The following MAMDC2 variants were observed in gnomAD, a reference collection of about 807,000 sequenced individuals.
MAMDC2 encodes the protein MAM domain-containing protein 2.
MAMDC2 carries 57 observed loss-of-function variants against 89.8 expected under a neutral mutation model. The ratio of observed to expected loss-of-function variants is 0.63; its 90% CI spans 0.51 to 0.79. The LOEUF (loss-of-function observed/expected upper bound fraction) is 0.79, where lower values mean the gene tolerates loss of function less well. MAMDC2 is among the 30% of genes least tolerant of loss of function. The pLI is 0.00. For synonymous variants in MAMDC2, 313 were observed against 293.4 expected (o/e 1.07, Z -0.68); for missense variants, 800 against 820.6 (o/e 0.97, Z 0.31).
chr9:70,057,459 A>C (rs1024915386), intron 2 of MAMDC2, among the ~76,000 whole-genome samples: 1 of 152,166 alleles, frequency 6.6e-6, no homozygotes, highest in African/African-American at 2.4e-5. Context: ...TCTCTCCACA[A>C]ACTCAGCTAC....
chr9:70,097,174 T>C (rs1828050137), intron 2 of MAMDC2, among the ~76,000 whole-genome samples: 1 of 152,162 alleles, frequency 6.6e-6, no homozygotes, highest in Non-Finnish European at 1.5e-5. Flanking sequence ...AAAAAAATCT[T>C]CATCAAGATC....
At chr9:70,112,877 T>C in intron 4 of MAMDC2, 118 bp from the exon 5 acceptor site, 2 of 1,260,978 alleles carry the variant, frequency 1.6e-6, no homozygotes, top group Non-Finnish European at 2.3e-6. Flanking sequence ...GGTAGAAAGG[T>C]TGCAGTGGGC....
rs2031217673 is a variant in MAMDC2, at chr9:70,141,431, A to G, written c.1138+1143A>G. ...CGAATCTGAAATGAATCCCACCTTCACTGGCAGACAATCTTTTCAAAGGGC... is the reference window on the plus strand; with the variant it reads ...CGAATCTGAAATGAATCCCACCTTCGCTGGCAGACAATCTTTTCAAAGGGC... On this transcript the variant is annotated intron_variant, in intron 8 of 13. Coordinates refer to ENST00000377182, the MANE Select transcript of MAMDC2 (RefSeq NM_153267.5). 3.9e-5 allele frequency among the ~76,000 whole-genome samples: 6 copies of G among 152,332 alleles called. No individual in the cohort carries two copies. The South Asian group carries it at 1.0e-3, about 26-fold the overall frequency.
At chr9:70,191,414 T>G (rs2032877469) in intron 11 of MAMDC2, among the ~76,000 whole-genome samples, 1 of 152,156 alleles carries the variant, frequency 6.6e-6, no homozygotes, top group African/African-American at 2.4e-5. Context: ...CATAATTATT[T>G]ACAGTACTTG....
intron 10 of MAMDC2, chr9:70,170,210 T>C: frequency 2.7e-6 from 1 of 372,292 alleles, no homozygotes. Context: ...TCACAAAAAT[T>C]CACAAGTCAG....
At chr9:70,224,009 C>CAGGT (rs1490824249) in intron 12 of MAMDC2, among the ~76,000 whole-genome samples, 1 of 152,088 alleles carries the variant, frequency 6.6e-6, no homozygotes, top group Non-Finnish European at 1.5e-5. Context: ...ATAATTCCTT[C>CAGGT]AGGTAATTTT....
At position 70,060,612 on chromosome 9, in the gene MAMDC2, C is replaced by A. The variant is rs1210154348; in HGVS notation, c.148+15915C>A. ...CTTTTGACAAATCTAGAAAGCAATT[C>A]CTGCAGCAAAGAAAAGATATATAAC... On this transcript the variant is annotated intron_variant, in intron 2 of 13. Transcript: ENST00000377182. 3 of 152,100 alleles carry A rather than the reference C, an allele frequency of 2.0e-5. No individual in the cohort carries two copies. The East Asian group carries it at 5.8e-4, about 29-fold the overall frequency. The allele number at this position is 152,100 out of a possible 1,614,324, so 9.4% of individuals were successfully genotyped here.
rs931436636 is a variant in MAMDC2 at position 70,126,354 on chromosome 9, G to C, written c.839G>C (p.Arg280Thr). The change falls in exon 6 of 14, where the codon AGG becomes ACG. Residue 280 changes from arginine to threonine, a missense_variant. Coordinates refer to ENST00000377182, the MANE Select transcript of MAMDC2 (RefSeq NM_153267.5). The part of the protein sequence containing the change: ...GLYEEIWKAD[R>T]PGNAAWNLAE... Reference sequence around the variant, plus strand: ...TACGAGGAAATCTGGAAAGCAGACAGGCCAGGGAATGCTGCCTGGAACCTT... The same window carrying C: ...TACGAGGAAATCTGGAAAGCAGACACGCCAGGGAATGCTGCCTGGAACCTT... The C allele has an allele frequency of 1.2e-6, 2 of 1,614,142 alleles. No homozygotes were observed. The highest frequency in any genetic ancestry group is 1.7e-4 in the Middle Eastern group (1 of 6,048).
At chr9:70,170,042 T>A (rs926710647) in intron 10 of MAMDC2, 2 of 155,182 alleles carry the variant, frequency 1.3e-5, no homozygotes, top group Non-Finnish European at 2.8e-5. Context: ...ACTCTCACAT[T>A]CTCCCCTACC....
intron 11 of MAMDC2, among the ~76,000 whole-genome samples, chr9:70,209,799 G>A (rs1040493739): frequency 2.6e-5 from 4 of 152,158 alleles, no homozygotes; most frequent in Non-Finnish European, 4.4e-5. Context: ...TCTACACACT[G>A]CTTTAAATGT....
intron 2 of MAMDC2, among the ~76,000 whole-genome samples, chr9:70,055,691 T>A (rs1297294768): frequency 2.0e-5 from 3 of 152,138 alleles, no homozygotes; most frequent in African/African-American, 4.8e-5. Context: ...AGAAATGTAG[T>A]TTTTACTAAT....
At chr9:70,104,360 CA>C (rs1342668450) in intron 2 of MAMDC2, among the ~76,000 whole-genome samples, 2 of 152,178 alleles carry the variant, frequency 1.3e-5, no homozygotes, top group African/African-American at 4.8e-5. Flanking sequence ...GTAAATGATG[CA>C]ACCACTTGAG....
rs144812491 is a variant in MAMDC2 at position 70,180,007 on chromosome 9, A to G, written c.1651+9376A>G. ...AGGTTTTAAGCCCTGCATGCATTAG[A>G]TATTTGTCCCCCCACCCCCCAACAG... is the stretch of plus-strand genomic sequence containing the variant. On this transcript the variant is annotated intron_variant, in intron 11 of 13. Coordinates refer to ENST00000377182, the MANE Select transcript of MAMDC2 (RefSeq NM_153267.5). 1.1e-3 allele frequency among the ~76,000 whole-genome samples: 168 copies of G among 151,270 alleles called. No individual in the cohort carries two copies. In the East Asian group the frequency reaches 0.029, roughly 26 times the overall value.
At chr9:70,182,489 C>CT (rs1301979287) in intron 11 of MAMDC2, among the ~76,000 whole-genome samples, 3 of 151,958 alleles carry the variant, frequency 2.0e-5, no homozygotes, top group Non-Finnish European at 1.5e-5. Flanking sequence ...TGGTCCTGGG[C>CT]TTTTTTTGGT....
chr9:70,147,319 A>G (rs2031437153), intron 9 of MAMDC2, among the ~76,000 whole-genome samples: 1 of 150,126 alleles, frequency 6.7e-6, no homozygotes, highest in Admixed American at 6.7e-5. Flanking sequence ...TGTTTTTCTG[A>G]TGGTTTTTCT....
At chr9:70,211,745 C>T (rs921471506) in intron 11 of MAMDC2, among the ~76,000 whole-genome samples, 1 of 152,192 alleles carries the variant, frequency 6.6e-6, no homozygotes, top group African/African-American at 2.4e-5. Flanking sequence ...TGGTTTCTCC[C>T]TATCTTTGTG....
At chr9:70,128,574 G>A (rs1054486302) in intron 6 of MAMDC2, among the ~76,000 whole-genome samples, 1 of 152,114 alleles carries the variant, frequency 6.6e-6, no homozygotes, top group Non-Finnish European at 1.5e-5. Flanking sequence ...GAGGGCTGGA[G>A]AAGAATGGGC....
At chr9:70,058,222 CT>C (rs1827066998) in intron 2 of MAMDC2, among the ~76,000 whole-genome samples, 1 of 152,162 alleles carries the variant, frequency 6.6e-6, no homozygotes, top group African/African-American at 2.4e-5. Flanking sequence ...TATAATCCCC[CT>C]ATGAAGAAAA....
intron 7 of MAMDC2, among the ~76,000 whole-genome samples, chr9:70,131,992 A>G (rs192615682): frequency 5.0e-4 from 76 of 152,340 alleles, no homozygotes; most frequent in African/African-American, 1.6e-3. Flanking sequence ...TGAATAGAAT[A>G]ATATATTTTA....
Sources: allele counts gnomAD v4.1 joint callset (sites outside exome capture counted in the v4.1 genomes callset), GRCh38; gene constraint gnomAD v4.1.1; transcripts MANE v1.5; gene names NCBI Gene and HGNC (gene_info 2026-07-23, HGNC 2026-07-21).